Variants in ANKFN1 observed in about 807,000 individuals in gnomAD.
ANKFN1 encodes ankyrin repeat and fibronectin type III domain containing 1.
ANKFN1 carries 74 observed loss-of-function variants against 108.7 expected under a neutral mutation model. That is an observed-to-expected ratio of 0.68 (90% confidence interval 0.56 to 0.83). ANKFN1 has a LOEUF of 0.83. Ranked by LOEUF, ANKFN1 falls within the 40% of genes least tolerant of loss-of-function variation. The pLI is 0.00. For missense variants in ANKFN1, 1,505 were observed against 1,382.3 expected (o/e 1.09, Z -1.41); for synonymous variants, 547 against 516.2 (o/e 1.06, Z -0.81).
At chr17:56,329,611 A>G (rs1237488507) in intron 4 of ANKFN1, among the ~76,000 whole-genome samples, 13 of 152,140 alleles carry the variant, frequency 8.5e-5, no homozygotes, top group Admixed American at 2.0e-4. Flanking sequence ...CAGATTTACT[A>G]CTCTTTAATA....
chr17:56,048,923 G>A (rs1237664168), intron 4 of ANKFN1, among the ~76,000 whole-genome samples: 1 of 152,194 alleles, frequency 6.6e-6, no homozygotes, highest in Non-Finnish European at 1.5e-5. Context: ...TTGGGGGAAG[G>A]TGAAGACTAG....
At chr17:56,202,030 A>G (rs1914108748) in intron 1 of ANKFN1, among the ~76,000 whole-genome samples, 3 of 152,212 alleles carry the variant, frequency 2.0e-5, no homozygotes, top group African/African-American at 7.2e-5. Flanking sequence ...GGCAAAGTGC[A>G]AAGGGCAGAA....
intron 4 of ANKFN1, among the ~76,000 whole-genome samples, chr17:56,050,695 A>G (rs1305071511): frequency 6.6e-6 from 1 of 151,928 alleles, no homozygotes; most frequent in Non-Finnish European, 1.5e-5. Flanking sequence ...CAAAGATCAG[A>G]TAGTTGTAGA....
Position 56,510,878 on chromosome 17 carries a change from G to C in ANKFN1, c.3050G>C (p.Trp1017Ser), listed in dbSNP as rs1189550381. 6.5e-7 allele frequency: 1 copy of C among 1,536,042 alleles called. No individual in the cohort carries two copies. Among genetic ancestry groups the C allele is most frequent in the African/African-American group, 1.4e-5 (1 of 73,066 alleles). The change falls in exon 21 of 21, where the codon TGG becomes TCG. Residue 1017 changes from tryptophan (W) to serine (S), a missense_variant. Trp to Ser is a radical substitution (Grantham distance 177, BLOSUM62 -3). Coordinates refer to ENST00000682825, the MANE Select transcript of ANKFN1 (RefSeq NM_001370326.1). The part of the protein sequence containing the change: ...HYGGFSRHHR[W>S]LRIHSETQSL... ...GGCGGCTTCAGCCGCCATCATCGCT[G>C]GTTGCGCATCCACAGCGAGACCCAG...
intron 4 of ANKFN1, among the ~76,000 whole-genome samples, chr17:56,070,998 T>C (rs1307774427): frequency 1.3e-5 from 2 of 152,114 alleles, no homozygotes; most frequent in African/African-American, 4.8e-5. Flanking sequence ...CCTCCCAAAG[T>C]GCTGGGATTA....
At chr17:56,098,432 A>ACG (rs1367403881) in intron 4 of ANKFN1, among the ~76,000 whole-genome samples, 3 of 136,786 alleles carry the variant, frequency 2.2e-5, no homozygotes, top group Non-Finnish European at 4.5e-5. Context: ...ACACACACAC[A>ACG]CACACACGCG....
At chr17:56,325,226 G>A (rs1011022734) in intron 3 of ANKFN1, among the ~76,000 whole-genome samples, 7 of 151,896 alleles carry the variant, frequency 4.6e-5, no homozygotes, top group Non-Finnish European at 7.4e-5. Flanking sequence ...TCAGAACAGA[G>A]CTTTAGAAAG....
intron 14 of ANKFN1, among the ~76,000 whole-genome samples, chr17:56,464,101 G>T (rs1049167085): frequency 2.6e-5 from 4 of 152,216 alleles, no homozygotes. Context: ...CATGGAAGAT[G>T]GTTCCAATTT....
chr17:56,156,315 T>C (rs1009380516), intron 1 of ANKFN1, among the ~76,000 whole-genome samples: 17 of 152,190 alleles, frequency 1.1e-4, no homozygotes, highest in African/African-American at 4.1e-4. Flanking sequence ...CTCAAACTCC[T>C]GGCCTCAAGT....
chr17:56,477,668 A>C lies in ANKFN1; in HGVS notation c.1940+14A>C. The C allele has an allele frequency of 6.2e-7, 1 of 1,610,570 alleles. No individual in the cohort carries two copies. The highest frequency in any genetic ancestry group is 2.2e-5 in the East Asian group (1 of 44,836). Reference sequence around the variant, plus strand: ...TAATATTTCTAGGTAAGTGATCAGGAGTTAAGATTTTCCTTGTGATGAAAC... The same window carrying C: ...TAATATTTCTAGGTAAGTGATCAGGCGTTAAGATTTTCCTTGTGATGAAAC... On this transcript the variant is annotated intron_variant, in intron 16 of 20. Transcript: ENST00000682825.
In ANKFN1 at chr17:56,127,488, G is replaced by A. The variant is rs138202506; in HGVS notation, c.288+81163G>A. On this transcript the variant is annotated intron_variant, in intron 4 of 12. Transcript: ENST00000635860. The stretch of plus-strand genomic sequence containing the variant: ...ACCACCACACCCAGCTAATTTTTGC[G>A]TTTTTAGTAGAGACGGGGTTTTGCC... Among the ~76,000 whole-genome samples the A allele has an allele frequency of 2.7e-3, 415 of 152,046 alleles. 2 individuals are homozygous for A. Among genetic ancestry groups the A allele is most frequent in the African/African-American group, 9.2e-3 (380 of 41,456 alleles).
At chr17:56,108,357 C>A (rs535118779) in intron 4 of ANKFN1, among the ~76,000 whole-genome samples, 1 of 152,276 alleles carries the variant, frequency 6.6e-6, no homozygotes, top group African/African-American at 2.4e-5. Context: ...TCATTACATG[C>A]CTACACGTTG....
chr17:56,205,995 T>C (rs1914499818), intron 1 of ANKFN1, among the ~76,000 whole-genome samples: 1 of 152,192 alleles, frequency 6.6e-6, no homozygotes, highest in Admixed American at 6.5e-5. Context: ...CATTTTGAAA[T>C]TTATTTTTCT....
chr17:56,515,128 A>C lies in ANKFN1; in HGVS notation c.*3859A>C, dbSNP rs1247456451. Among the ~76,000 whole-genome samples the C allele has an allele frequency of 6.6e-6, 1 of 152,082 alleles. No homozygotes were observed. The highest frequency in any genetic ancestry group is 2.4e-5 in the African/African-American group (1 of 41,414). On this transcript the variant is annotated 3_prime_UTR_variant, in exon 21 of 21. Transcript: ENST00000682825. ...TGCAACGCATTTAAGTTGCCTAGTT[A>C]TGTCAACAAGACACAGAATTCACTG...
intron 1 of ANKFN1, among the ~76,000 whole-genome samples, chr17:56,210,571 A>G (rs1267154909): frequency 6.6e-6 from 1 of 152,050 alleles, no homozygotes; most frequent in Non-Finnish European, 1.5e-5. Flanking sequence ...TCCTTAGCCC[A>G]CTTTTGGATA....
intron 18 of ANKFN1, among the ~76,000 whole-genome samples, chr17:56,488,990 A>G (rs2050943264): frequency 6.6e-6 from 1 of 152,204 alleles, no homozygotes; most frequent in Admixed American, 6.5e-5. Flanking sequence ...ACTTAATCCT[A>G]GGTAGGCATT....
chr17:56,503,313 CA>C (rs1477094705), intron 20 of ANKFN1, among the ~76,000 whole-genome samples: 3 of 151,248 alleles, frequency 2.0e-5, no homozygotes, highest in African/African-American at 7.3e-5. Context: ...ATACACAGCT[CA>C]AAAAAATCAA....
intron 8 of ANKFN1, among the ~76,000 whole-genome samples, chr17:56,411,845 A>C (rs1222091973): frequency 2.0e-5 from 3 of 152,166 alleles, no homozygotes; most frequent in African/African-American, 7.2e-5. Context: ...ATCCCACTTC[A>C]TCATGGTAAA....
chr17:56,385,050 C>T (rs914866894), intron 8 of ANKFN1, among the ~76,000 whole-genome samples: 20 of 151,396 alleles, frequency 1.3e-4, no homozygotes, highest in Non-Finnish European at 1.2e-4. Context: ...GGAGGCATCA[C>T]GCTACCTGAC....
Sources: allele counts gnomAD v4.1 joint callset (sites outside exome capture counted in the v4.1 genomes callset), GRCh38; gene constraint gnomAD v4.1.1; transcripts MANE v1.5; gene names NCBI Gene and HGNC (gene_info 2026-07-23, HGNC 2026-07-21).